PTPRC: variants seen among roughly 807,000 people sequenced by gnomAD.
PTPRC encodes the protein receptor-type tyrosine-protein phosphatase C.
In PTPRC, 44 loss-of-function variants were observed where a neutral mutation model predicts 155.9. That is an observed-to-expected ratio of 0.28 (90% CI 0.22 to 0.36). The LOEUF (loss-of-function observed/expected upper bound fraction) is 0.36, where lower values mean the gene tolerates loss of function less well. PTPRC is among the 10% of genes least tolerant of loss of function. The probability of loss-of-function intolerance (pLI) is 1.00; values close to 1 mark genes in which losing one functional copy is unlikely to be tolerated. For synonymous variants in PTPRC, 525 were observed against 533.1 expected, an observed-to-expected ratio of 0.98 and a Z score of 0.21; for missense variants, 1,401 against 1,564.6, an observed-to-expected ratio of 0.90 and a Z score of 1.76.
At chr1:198,730,496 A>AT (rs1295786416) in intron 17 of PTPRC, among the ~76,000 whole-genome samples, 3 of 152,152 alleles carry the variant, frequency 2.0e-5, no homozygotes, top group Admixed American at 2.0e-4. Flanking sequence ...ATATTAGTGA[A>AT]TAAATAACAC....
At chr1:198,649,576 C>T (rs1370688795) in intron 2 of PTPRC, among the ~76,000 whole-genome samples, 2 of 151,720 alleles carry the variant, frequency 1.3e-5, no homozygotes, top group African/African-American at 2.4e-5. Flanking sequence ...AAATCTTGCC[C>T]GGATTCCATT....
rs1245614764 is a variant in PTPRC at position 198,692,198 on chromosome 1, T to C, written c.74-149T>C. On this transcript the variant is annotated intron_variant, in intron 2 of 32. Transcript: ENST00000442510. ...AAACATGGTACTAAGAGAGGAAATA[T>C]AGTTTCATTAGGGTAAAAGCTACTG... 28 of 485,972 alleles carry C rather than the reference T, an allele frequency of 5.8e-5. No homozygotes were observed. In the South Asian group the frequency reaches 1.1e-3, roughly 20 times the overall value. The allele number at this position is 485,972 out of a possible 1,614,324, so 30.1% of individuals were successfully genotyped here. A position where few individuals can be genotyped will look rare whatever the true frequency, so the allele number is the denominator to read the frequency against.
chr1:198,692,765 A>G lies in PTPRC; in HGVS notation c.100+392A>G, dbSNP rs1558001136. 9 of 922,704 alleles carry G rather than the reference A, an allele frequency of 9.8e-6. No individual in the cohort carries two copies. In the Middle Eastern group the frequency reaches 1.7e-3, roughly 170 times the overall value. The allele number at this position is 922,704 out of a possible 1,614,324, so 57.2% of individuals were successfully genotyped here. On this transcript the variant is annotated intron_variant, in intron 3 of 32. Transcript: ENST00000442510. ...TATGTTATAGATATGTAGATAACAG[A>G]TTTGCATATGTCTATATTTCTTTAA...
intron 26 of PTPRC, 67 bp downstream of exon 26, chr1:198,744,270 G>A (rs1012241356): frequency 6.8e-7 from 1 of 1,464,472 alleles, no homozygotes; most frequent in East Asian, 2.4e-5. Context: ...TACTTTCTAG[G>A]TGTTTGCTAT....
rs185930689 is a variant in PTPRC at position 198,697,058 on chromosome 1, T to C, written c.298+149T>C. The C allele has an allele frequency of 2.5e-4, 200 of 792,966 alleles. No individual in the cohort carries two copies. In the African/African-American group the frequency reaches 3.1e-3, roughly 12 times the overall value. The allele number at this position is 792,966 out of a possible 1,614,324, so 49.1% of individuals were successfully genotyped here. On this transcript the variant is annotated intron_variant, in intron 4 of 32. Transcript: ENST00000442510. ...GCAGAAATTGCAGGAAATTAGTATCTGTGAAATATAGATCGACTGAAGTAA... is the reference window on the plus strand; with the variant it reads ...GCAGAAATTGCAGGAAATTAGTATCCGTGAAATATAGATCGACTGAAGTAA...
At chr1:198,699,306 A>G (rs535802301) in intron 4 of PTPRC, among the ~76,000 whole-genome samples, 1 of 152,324 alleles carries the variant, frequency 6.6e-6, no homozygotes, top group South Asian at 2.1e-4. Flanking sequence ...GTGAAAGTCA[A>G]TAAAGCCACC....
At chr1:198,700,833 A>AC (rs1558007170) in intron 5 of PTPRC, among the ~76,000 whole-genome samples, 1 of 152,202 alleles carries the variant, frequency 6.6e-6, no homozygotes, top group Non-Finnish European at 1.5e-5. Flanking sequence ...ACCACCACTG[A>AC]GAGTACCTAC....
At chr1:198,713,286 C>T (rs1340437729) in intron 12 of PTPRC, among the ~76,000 whole-genome samples, 1 of 152,158 alleles carries the variant, frequency 6.6e-6, no homozygotes, top group Admixed American at 6.5e-5. Context: ...TTTGCTTGTC[C>T]TTCTTGGTCT....
intron 2 of PTPRC, among the ~76,000 whole-genome samples, chr1:198,678,824 T>TC (rs150806965): frequency 6.6e-5 from 10 of 151,716 alleles, no homozygotes; most frequent in Non-Finnish European, 1.0e-4. Context: ...GGTCTTTTTT[T>TC]CCCCCCCAGT....
At chr1:198,648,204 A>G (rs1663039252) in intron 2 of PTPRC, among the ~76,000 whole-genome samples, 1 of 151,908 alleles carries the variant, frequency 6.6e-6, no homozygotes, top group Admixed American at 6.6e-5. Context: ...GTACTAGACA[A>G]TAGTCCTATT....
intron 14 of PTPRC, among the ~76,000 whole-genome samples, chr1:198,720,554 T>C (rs1157619641): frequency 2.0e-5 from 3 of 152,094 alleles, no homozygotes; most frequent in African/African-American, 4.8e-5. Context: ...GGCCTAGAAC[T>C]CCTGATCTCA....
intron 12 of PTPRC, among the ~76,000 whole-genome samples, chr1:198,716,398 C>A (rs527969010): frequency 6.6e-6 from 1 of 152,184 alleles, no homozygotes; most frequent in Non-Finnish European, 1.5e-5. Flanking sequence ...CAAAAGAGAT[C>A]GTCTTCACAA....
intron 15 of PTPRC, among the ~76,000 whole-genome samples, chr1:198,727,256 C>T (rs892159839): frequency 8.5e-5 from 13 of 152,086 alleles, no homozygotes; most frequent in South Asian, 4.1e-4. Flanking sequence ...AGCATTTCCA[C>T]GGACTGTCTT....
upstream of PTPRC, chr1:198,638,824 T>A (rs2274364): frequency 0.037 from 5,839 of 157,116 alleles, 189 homozygotes; most frequent in East Asian, 0.14. Flanking sequence ...GGATTTAATT[T>A]AAAAAAAATG....
At position 198,742,334 on chromosome 1, in the gene PTPRC, A is replaced by T. The variant is rs760014070; in HGVS notation, c.2664A>T (p.Leu888=). 1 of 1,612,220 alleles carries T rather than the reference A, an allele frequency of 6.2e-7. No homozygotes were observed. Among genetic ancestry groups the T allele is most frequent in the Non-Finnish European group, 8.5e-7 (1 of 1,178,796 alleles). The change falls in exon 25 of 33, where the codon CTA becomes CTT. Residue 888 remains leucine (L), a synonymous_variant. Transcript: ENST00000442510. ...ATGTTTATGGTTATGTTGTCAAGCTAAGGCGACAGAGATGCCTGATGGTTC... is the reference window on the plus strand; with the variant it reads ...ATGTTTATGGTTATGTTGTCAAGCTTAGGCGACAGAGATGCCTGATGGTTC... The part of the protein sequence containing the change: ...KVDVYGYVVK[L]RRQRCLMVQV...
At chr1:198,673,354 T>C (rs536831343) in intron 2 of PTPRC, among the ~76,000 whole-genome samples, 1 of 152,318 alleles carries the variant, frequency 6.6e-6, no homozygotes, top group East Asian at 1.9e-4. Flanking sequence ...CTGAATGATC[T>C]CACACAAGTT....
intron 17 of PTPRC, among the ~76,000 whole-genome samples, chr1:198,730,527 A>G (rs1399413140): frequency 6.6e-6 from 1 of 152,132 alleles, no homozygotes; most frequent in Admixed American, 6.6e-5. Context: ...TATCGTGAGG[A>G]TTCATTTTGA....
intron 2 of PTPRC, among the ~76,000 whole-genome samples, chr1:198,661,300 T>A (rs2148315): frequency 0.99 from 148,727 of 149,682 alleles, 73,896 homozygotes; most frequent in South Asian, 1. Context: ...GATAGAATTT[T>A]AAAATATTTA....
intron 4 of PTPRC, among the ~76,000 whole-genome samples, chr1:198,698,005 A>G (rs917673206): frequency 6.6e-6 from 1 of 152,212 alleles, no homozygotes; most frequent in African/African-American, 2.4e-5. Flanking sequence ...CACATTGCCC[A>G]AAATTTTTAC....
Sources: allele counts gnomAD v4.1 joint callset (sites outside exome capture counted in the v4.1 genomes callset), GRCh38; gene constraint gnomAD v4.1.1; transcripts MANE v1.5; gene names NCBI Gene and HGNC (gene_info 2026-07-23, HGNC 2026-07-21).